The following PDLIM3 variants were observed in gnomAD, a reference collection of about 807,000 sequenced individuals.
The protein encoded by PDLIM3 is PDZ and LIM domain protein 3.
In PDLIM3, 36 loss-of-function variants were observed where a neutral mutation model predicts 37.3. The ratio of observed to expected loss-of-function variants is 0.97; its 90% CI spans 0.74 to 1.28. The LOEUF is 1.28. PDLIM3 is among the 50% of genes most tolerant of loss of function. PDLIM3 has a pLI of 0.00. For synonymous variants in PDLIM3, 174 were observed against 182.4 expected, an observed-to-expected ratio of 0.95 and a Z score of 0.37; for missense variants, 454 against 485.0, an observed-to-expected ratio of 0.94 and a Z score of 0.60.
intron 3 of PDLIM3, 149 bp downstream of exon 3, chr4:185,523,213 A>G: frequency 4.8e-6 from 3 of 620,312 alleles, no homozygotes; most frequent in Middle Eastern, 2.5e-4. Context: ...AAACACGGAT[A>G]ATATAAATTA....
Position 185,506,601 on chromosome 4 carries a change from G to A in PDLIM3, c.714C>T (p.His238=), listed in dbSNP as rs762410947. ...GCTGTGTGGGCTCATTCCGATTGTC[G>A]TGGAGCATCCGGTACACGTCCGACT... is the stretch of plus-strand genomic sequence containing the variant. ...PPESDVYRML[H]DNRNEPTQPR... The change falls in exon 6 of 8, where the codon CAC becomes CAT. Residue 238 remains histidine, a synonymous_variant. Transcript: ENST00000284767. 14 of 1,611,542 alleles carry A rather than the reference G, an allele frequency of 8.7e-6. No individual in the cohort carries two copies. The highest frequency in any genetic ancestry group is 4.0e-5 in the African/African-American group (3 of 74,908).
At chr4:185,523,624 C>T (rs112690720) in intron 2 of PDLIM3, among the ~76,000 whole-genome samples, 178 bp from the exon 3 acceptor site, 25 of 119,664 alleles carry the variant, frequency 2.1e-4, no homozygotes, top group African/African-American at 8.3e-4. Flanking sequence ...TTCCCCCCCC[C>T]TTTTTTTTTC....
chr4:185,508,605 C>A, intron 4 of PDLIM3, 43 bp from the exon 5 acceptor site: 1 of 1,600,268 alleles, frequency 6.2e-7, no homozygotes, highest in Non-Finnish European at 8.6e-7. Context: ...GCACCGGGAG[C>A]CAGACAGTCC....
chr4:185,528,873 T>A (rs556565925), intron 1 of PDLIM3, among the ~76,000 whole-genome samples: 7 of 152,236 alleles, frequency 4.6e-5, no homozygotes, highest in Non-Finnish European at 1.0e-4. Flanking sequence ...TGGCCTGATT[T>A]TACTAAGTTA....
chr4:185,506,161 GT>G (rs2095696654), intron 6 of PDLIM3, among the ~76,000 whole-genome samples: 1 of 152,212 alleles, frequency 6.6e-6, no homozygotes, highest in Non-Finnish European at 1.5e-5. Context: ...TTAGAGCATT[GT>G]TTAGTTTTTG....
rs1413769475 is a variant in PDLIM3 at position 185,523,361 on chromosome 4, C to A, written c.330+1G>T. Reference sequence around the variant, plus strand: ...TGTATCATTTGCTCTAAAACGCATACCTGTGGTTCTGATTCTAAGTTGATT... The same window carrying A: ...TGTATCATTTGCTCTAAAACGCATAACTGTGGTTCTGATTCTAAGTTGATT... On this transcript the variant is annotated splice_donor_variant, in intron 3 of 7. Transcript: ENST00000284767. LOFTEE classifies it high-confidence loss of function. The A allele has an allele frequency of 1.9e-6, 3 of 1,597,802 alleles. No individual in the cohort carries two copies. In the Admixed American group the frequency reaches 5.0e-5, roughly 27 times the overall value.
At chr4:185,528,583 G>A (rs975964238) in intron 1 of PDLIM3, among the ~76,000 whole-genome samples, 1 of 152,240 alleles carries the variant, frequency 6.6e-6, no homozygotes. Context: ...AGGAGAAGAG[G>A]TGTCTAAGTA....
At chr4:185,509,394 G>A (rs998557206) in intron 4 of PDLIM3, among the ~76,000 whole-genome samples, 5 of 152,186 alleles carry the variant, frequency 3.3e-5, no homozygotes, top group East Asian at 1.9e-4. Context: ...TCAGAAGCAC[G>A]CATCTATTCC....
rs565296386 is a variant in PDLIM3, at chr4:185,509,895, C to T, written c.399-1333G>A. 2.1e-5 allele frequency among the ~76,000 whole-genome samples: 3 copies of T among 144,828 alleles called. No individual in the cohort carries two copies. The East Asian group carries it at 6.2e-4, about 30-fold the overall frequency. On this transcript the variant is annotated intron_variant, in intron 4 of 7. Transcript: ENST00000284767. Reference sequence around the variant, plus strand: ...GTTGCAGCCGGATTAGTCTGGAGAACTCATGTCACTAAATGGGTTTAAATT... The same window carrying T: ...GTTGCAGCCGGATTAGTCTGGAGAATTCATGTCACTAAATGGGTTTAAATT...
At chr4:185,506,937 T>C (rs576168002) in intron 5 of PDLIM3, 52 of 369,492 alleles carry the variant, frequency 1.4e-4, no homozygotes, top group Non-Finnish European at 2.6e-4. Flanking sequence ...GAAATAGTAA[T>C]TAAGAAGAAC....
At chr4:185,511,368 CT>C (rs11362501) in intron 4 of PDLIM3, among the ~76,000 whole-genome samples, 119,372 of 145,796 alleles carry the variant, frequency 0.82, 49,012 homozygotes, top group African/African-American at 0.91. Context: ...CAACTTACTA[CT>C]TTTTTTTTTT....
In PDLIM3 at chr4:185,502,290, A is replaced by G; in HGVS notation, c.*4T>C. On this transcript the variant is annotated 3_prime_UTR_variant, in exon 8 of 8. Coordinates refer to ENST00000284767, the MANE Select transcript of PDLIM3 (RefSeq NM_014476.6). ...GCGTGCGTGCGTGCCACGCCTGCAG[A>G]GACTTAAGCTTTGGGATACAGAGTG... 1 of 1,614,196 alleles carries G rather than the reference A, an allele frequency of 6.2e-7. No individual in the cohort carries two copies. The highest frequency in any genetic ancestry group is 8.5e-7 in the Non-Finnish European group (1 of 1,180,012).
rs1365195566 is a variant in PDLIM3, at chr4:185,502,399, C to A, written c.990G>T (p.Lys330Asn). ...GCTCCCCTTCTATGAAGAAGTAGCCCTTTTGCTTGAGGTTGAGGTTGCAGT... is the reference window on the plus strand; with the variant it reads ...GCTCCCCTTCTATGAAGAAGTAGCCATTTTGCTTGAGGTTGAGGTTGCAGT... Reference protein sequence around the residue: ...CADCNLNLKQKGYFFIEGELY... With the variant: ...CADCNLNLKQNGYFFIEGELY... The change falls in exon 8 of 8, where the codon AAG becomes AAT. Residue 330 changes from lysine (K) to asparagine (N), a missense_variant. Coordinates refer to ENST00000284767, the MANE Select transcript of PDLIM3 (RefSeq NM_014476.6). The A allele has an allele frequency of 6.2e-7, 1 of 1,614,232 alleles. No homozygotes were observed. The highest frequency in any genetic ancestry group is 8.5e-7 in the Non-Finnish European group (1 of 1,180,040).
chr4:185,504,153 C>T lies in PDLIM3; in HGVS notation c.905+322G>A, dbSNP rs114531934. 5.1e-3 allele frequency among the ~76,000 whole-genome samples: 772 copies of T among 152,022 alleles called. 14 individuals carry two copies. The highest frequency in any genetic ancestry group is 0.018 in the African/African-American group (739 of 41,454). ...ATGTATGCATTTACTAAACACTATA[C>T]GTTAACAGGGGTGGGGGAGTTTAAA... On this transcript the variant is annotated intron_variant, in intron 7 of 7. Coordinates refer to ENST00000284767, the MANE Select transcript of PDLIM3 (RefSeq NM_014476.6). The surrounding 1 kb of genome is among the most constrained non-coding windows in gnomAD (Gnocchi z 4.7).
chr4:185,512,805 A>G (rs2095708689), intron 4 of PDLIM3: 2 of 985,016 alleles, frequency 2.0e-6, no homozygotes, highest in African/African-American at 3.5e-5. Flanking sequence ...TATCCTTTTA[A>G]CTTTAAATCC....
intron 4 of PDLIM3, chr4:185,513,792 T>C (rs1372678676): frequency 9.7e-7 from 1 of 1,034,520 alleles, no homozygotes; most frequent in Non-Finnish European, 1.2e-6. Context: ...CTAGAGAAGA[T>C]ATTTGAAAAG....
At chr4:185,530,196 A>G (rs1304430024) in intron 1 of PDLIM3, among the ~76,000 whole-genome samples, 3 of 152,352 alleles carry the variant, frequency 2.0e-5, no homozygotes, top group Admixed American at 6.5e-5. Context: ...GTTAGAACAA[A>G]ATTGAACAGG....
chr4:185,519,706 T>C (rs532928871), intron 3 of PDLIM3, among the ~76,000 whole-genome samples: 1 of 152,208 alleles, frequency 6.6e-6, no homozygotes, highest in Non-Finnish European at 1.5e-5. Flanking sequence ...ATAAACATAC[T>C]AATATTTAAT....
In PDLIM3 at chr4:185,514,444, C is replaced by T; in HGVS notation, c.331-107G>A. ...AGGGAGGATCATTTACCACCAACTACTGTCATAACTAAGAAAGGCGATGAC... is the reference window on the plus strand; with the variant it reads ...AGGGAGGATCATTTACCACCAACTATTGTCATAACTAAGAAAGGCGATGAC... On this transcript the variant is annotated intron_variant, in intron 3 of 7. Transcript: ENST00000284767. The surrounding 1 kb of genome is among the most constrained non-coding windows in gnomAD (Gnocchi z 4.0). 5 of 1,604,338 alleles carry T rather than the reference C, an allele frequency of 3.1e-6. No individual in the cohort carries two copies. In the Admixed American group the frequency reaches 8.5e-5, roughly 27 times the overall value.
Sources: allele counts gnomAD v4.1 joint callset (sites outside exome capture counted in the v4.1 genomes callset), GRCh38; gene constraint gnomAD v4.1.1; non-coding constraint Gnocchi (gnomAD v3.1); transcripts MANE v1.5; gene names NCBI Gene and HGNC (gene_info 2026-07-23, HGNC 2026-07-21).